The following DCC variants were observed in gnomAD, a reference collection of about 807,000 sequenced individuals.
DCC encodes DCC netrin 1 receptor.
A neutral mutation model predicts 172.5 loss-of-function variants in DCC; 58 were observed. The observed-to-expected ratio is 0.34, with a 90% CI of 0.27 to 0.42. The LOEUF (loss-of-function observed/expected upper bound fraction) is 0.42. Ranked by LOEUF, DCC falls within the 10% of genes least tolerant of loss-of-function variation. DCC has a pLI of 1.00. For missense variants in DCC, 1,740 were observed against 1,791.0 expected (o/e 0.97, Z 0.51); for synonymous variants, 709 against 644.5 (o/e 1.10, Z -1.52).
chr18:53,138,786 C>T lies in DCC; in HGVS notation c.1262-18570C>T, dbSNP rs374307738. Among the ~76,000 whole-genome samples, 20 of 152,306 alleles carry T rather than the reference C, an allele frequency of 1.3e-4. No homozygotes were observed. In the South Asian group the frequency reaches 3.7e-3, roughly 28 times the overall value. The stretch of plus-strand genomic sequence containing the variant: ...TTTACAGCAGAATAAAGCTGCTACT[C>T]TGATAAGCTACCAAATACTGTAAAT... On this transcript the variant is annotated intron_variant, in intron 7 of 28. Coordinates refer to ENST00000442544, the MANE Select transcript of DCC (RefSeq NM_005215.4).
chr18:52,512,452 T>C (rs1209706432), intron 1 of DCC, among the ~76,000 whole-genome samples: 1 of 152,230 alleles, frequency 6.6e-6, no homozygotes, highest in African/African-American at 2.4e-5. Flanking sequence ...ACTGAAGTTC[T>C]TTCTTTGCTG....
At chr18:53,210,245 A>G (rs1162695427) in intron 11 of DCC, among the ~76,000 whole-genome samples, 6 of 152,166 alleles carry the variant, frequency 3.9e-5, no homozygotes, top group African/African-American at 1.4e-4. Context: ...TGCTGAGGTC[A>G]TATATCACAT....
intron 1 of DCC, among the ~76,000 whole-genome samples, chr18:52,352,428 T>C (rs1194349066): frequency 6.6e-6 from 1 of 152,174 alleles, no homozygotes; most frequent in Non-Finnish European, 1.5e-5. Context: ...CTTTGCTTGA[T>C]TTAGAGGCTC....
rs367575383 is a variant in DCC, at chr18:53,423,174, G to T, written c.3163+7018G>T. Reference sequence around the variant, plus strand: ...AATTTTAACCTTCTCACACCTGTAAGGTAGACATTTTTGTTTATACACTTC... The same window carrying T: ...AATTTTAACCTTCTCACACCTGTAATGTAGACATTTTTGTTTATACACTTC... On this transcript the variant is annotated intron_variant, in intron 21 of 28. Coordinates refer to ENST00000442544, the MANE Select transcript of DCC (RefSeq NM_005215.4). Among the ~76,000 whole-genome samples, 16 of 152,224 alleles carry T rather than the reference G, an allele frequency of 1.1e-4. No individual in the cohort carries two copies. The East Asian group carries it at 2.9e-3, about 28-fold the overall frequency.
chr18:52,427,082 A>C (rs1046139835), intron 1 of DCC, among the ~76,000 whole-genome samples: 1 of 152,104 alleles, frequency 6.6e-6, no homozygotes, highest in African/African-American at 2.4e-5. Flanking sequence ...TAAGTACTGT[A>C]ATCCAGATCC....
At chr18:53,459,540 T>G in intron 24 of DCC, 82 bp downstream of exon 24, 3 of 874,930 alleles carry the variant, frequency 3.4e-6, no homozygotes, top group Non-Finnish European at 5.7e-6. Flanking sequence ...TGGAAATGTC[T>G]TCCCTACTAA....
At chr18:52,786,582 T>G (rs761470584) in intron 2 of DCC, among the ~76,000 whole-genome samples, 4 of 152,132 alleles carry the variant, frequency 2.6e-5, no homozygotes, top group Non-Finnish European at 4.4e-5. Flanking sequence ...CTCTTTTGGA[T>G]TGGCTTAGAT....
At chr18:52,968,275 G>A (rs1263786233) in intron 5 of DCC, among the ~76,000 whole-genome samples, 2 of 152,122 alleles carry the variant, frequency 1.3e-5, no homozygotes, top group Non-Finnish European at 2.9e-5. Flanking sequence ...GGGTGACCAG[G>A]CACATTTTCT....
At chr18:52,518,019 T>C (rs984128807) in intron 1 of DCC, among the ~76,000 whole-genome samples, 2 of 152,210 alleles carry the variant, frequency 1.3e-5, no homozygotes, top group Non-Finnish European at 2.9e-5. Context: ...AATACATTCT[T>C]ACATTCTCCT....
chr18:52,793,119 A>G (rs1317818261), intron 2 of DCC, among the ~76,000 whole-genome samples: 2 of 152,222 alleles, frequency 1.3e-5, no homozygotes, highest in Non-Finnish European at 2.9e-5. Context: ...TGATTTATGT[A>G]GGACCCACAG....
At chr18:53,152,239 G>A (rs2054653075) in intron 7 of DCC, among the ~76,000 whole-genome samples, 1 of 152,146 alleles carries the variant, frequency 6.6e-6, no homozygotes, top group South Asian at 2.1e-4. Context: ...GAGGTTTAAT[G>A]TAAATTAAAC....
At chr18:53,225,960 A>G (rs2056022014) in intron 12 of DCC, among the ~76,000 whole-genome samples, 1 of 152,158 alleles carries the variant, frequency 6.6e-6, no homozygotes. Context: ...CCTATGGAAG[A>G]AAAAAATGGG....
intron 12 of DCC, among the ~76,000 whole-genome samples, chr18:53,238,986 T>A (rs79747779): frequency 0.043 from 6,243 of 144,130 alleles, 396 homozygotes; most frequent in African/African-American, 0.15. Flanking sequence ...TAGGTGGGAA[T>A]TGAGCAATGA....
intron 7 of DCC, among the ~76,000 whole-genome samples, chr18:53,073,251 C>T (rs146971716): frequency 5.9e-4 from 90 of 152,216 alleles, no homozygotes; most frequent in African/African-American, 2.0e-3. Context: ...ATAGGCCCGG[C>T]GCGGTGGCTC....
At chr18:52,941,314 T>C (rs983267721) in intron 5 of DCC, 1 of 152,106 alleles carries the variant, frequency 6.6e-6, no homozygotes, top group Non-Finnish European at 1.5e-5. Flanking sequence ...AGATTCCAAA[T>C]GGTTTATAAA....
intron 1 of DCC, among the ~76,000 whole-genome samples, chr18:52,375,036 G>T (rs755592666): frequency 6.6e-6 from 1 of 152,226 alleles, no homozygotes; most frequent in Non-Finnish European, 1.5e-5. Flanking sequence ...ATACATGGCT[G>T]AAAGGCTGAA....
At chr18:53,472,967 C>T (rs1280065088) in intron 25 of DCC, among the ~76,000 whole-genome samples, 1 of 152,150 alleles carries the variant, frequency 6.6e-6, no homozygotes. Flanking sequence ...ATTGCTGATC[C>T]ACAAATATGC....
intron 12 of DCC, among the ~76,000 whole-genome samples, chr18:53,278,529 C>A (rs1410350514): frequency 6.6e-6 from 1 of 152,106 alleles, no homozygotes; most frequent in Non-Finnish European, 1.5e-5. Context: ...AAAACAGGAT[C>A]TCTGTCTTGT....
At chr18:53,215,494 T>C in intron 11 of DCC, 54 bp from the exon 12 acceptor site, 1 of 1,401,234 alleles carries the variant, frequency 7.1e-7, no homozygotes, top group Non-Finnish European at 1.0e-6. Context: ...ACAGGTGGTA[T>C]TTTTCTTTCA....
Sources: gnomAD v4.1 joint callset for allele counts (sites outside exome capture counted in the v4.1 genomes callset) on GRCh38, gnomAD v4.1.1 for gene constraint, MANE v1.5 for transcripts, NCBI Gene and HGNC (gene_info 2026-07-23, HGNC 2026-07-21) for gene names.